ADAMTS9: variants seen among roughly 807,000 people sequenced by gnomAD.
The protein encoded by ADAMTS9 is ADAM metallopeptidase with thrombospondin type 1 motif 9.
Under a neutral mutation model 257.1 loss-of-function variants are expected in ADAMTS9, and 107 were observed. The ratio of observed to expected loss-of-function variants is 0.42; its 90% CI spans 0.36 to 0.49. The LOEUF is 0.49. ADAMTS9 is among the 20% of genes least tolerant of loss of function. The pLI is 0.03. For missense variants in ADAMTS9, 2,353 were observed against 2,469.1 expected (o/e 0.95, Z 1.00); for synonymous variants, 982 against 880.9 (o/e 1.11, Z -2.03).
chr3:64,578,768 G>A (rs1452656639), intron 28 of ADAMTS9, among the ~76,000 whole-genome samples: 4 of 152,116 alleles, frequency 2.6e-5, no homozygotes, highest in Admixed American at 2.6e-4. Context: ...CATAAAACGG[G>A]AGTCATTGTG....
At chr3:64,633,951 T>G (rs1445160583) in intron 12 of ADAMTS9, 72 bp from the exon 13 acceptor site, 1 of 1,356,848 alleles carries the variant, frequency 7.4e-7, no homozygotes, top group Non-Finnish European at 1.0e-6. Context: ...ACTCCTTCAT[T>G]CATGACTTCC....
intron 16 of ADAMTS9, among the ~76,000 whole-genome samples, chr3:64,627,879 C>A (rs1039951519): frequency 2.6e-5 from 4 of 152,094 alleles, no homozygotes; most frequent in Non-Finnish European, 5.9e-5. Flanking sequence ...GGACTCAACG[C>A]GAGACTCAGT....
In ADAMTS9 at chr3:64,522,165, C is replaced by A; in HGVS notation, c.*5+1G>T. 6.2e-7 allele frequency: 1 copy of A among 1,613,326 alleles called. No individual in the cohort carries two copies. Among genetic ancestry groups the A allele is most frequent in the Non-Finnish European group, 8.5e-7 (1 of 1,179,336 alleles). ...AGACAGACAGACATAGGACTACTTA[C>A]CTTAGCTATAAAACTCGCACCTCCA... On this transcript the variant is annotated splice_donor_variant, in intron 39 of 39. Coordinates refer to ENST00000498707, the MANE Select transcript of ADAMTS9 (RefSeq NM_182920.2). LOFTEE classifies it low-confidence loss of function (3UTR_SPLICE).
Position 64,519,313 on chromosome 3 carries a change from C to T in ADAMTS9, c.*6-2192G>A, listed in dbSNP as rs2082820913. On this transcript the variant is annotated intron_variant, in intron 39 of 39. Transcript: ENST00000498707. ...ACAGATCCCTGAATCCACCAGAGAC[C>T]TAATGAAGCAGGACCCCTAGAGATG... Among the ~76,000 whole-genome samples the T allele has an allele frequency of 2.0e-5, 3 of 152,218 alleles. No individual in the cohort carries two copies. In the South Asian group the frequency reaches 6.2e-4, roughly 32 times the overall value.
intron 30 of ADAMTS9, among the ~76,000 whole-genome samples, chr3:64,557,876 C>G (rs901879391): frequency 2.6e-5 from 4 of 152,088 alleles, no homozygotes. Flanking sequence ...TTTCTCTTGT[C>G]CAATTATTCT....
intron 3 of ADAMTS9, among the ~76,000 whole-genome samples, chr3:64,665,404 C>G (rs917952728): frequency 6.6e-6 from 1 of 152,170 alleles, no homozygotes; most frequent in Admixed American, 6.5e-5. Context: ...CTCCCACTTA[C>G]AATGTGGAGT....
chr3:64,606,261 T>G (rs1312180259), intron 23 of ADAMTS9, among the ~76,000 whole-genome samples: 2 of 152,228 alleles, frequency 1.3e-5, no homozygotes, highest in African/African-American at 4.8e-5. Context: ...CATTACTTTC[T>G]TAAGTCTAAC....
intron 26 of ADAMTS9, among the ~76,000 whole-genome samples, chr3:64,598,140 T>A (rs1379331140): frequency 1.3e-5 from 2 of 152,164 alleles, no homozygotes; most frequent in African/African-American, 4.8e-5. Context: ...TAAGTGTTTT[T>A]AAATCAGTAT....
chr3:64,526,405 G>T (rs566320322), intron 38 of ADAMTS9, among the ~76,000 whole-genome samples: 1 of 152,022 alleles, frequency 6.6e-6, no homozygotes, highest in Admixed American at 6.6e-5. Context: ...TTAAAAATTC[G>T]TAGGCATTTG....
chr3:64,534,349 A>G (rs986650890), intron 37 of ADAMTS9, among the ~76,000 whole-genome samples: 2 of 152,190 alleles, frequency 1.3e-5, no homozygotes, highest in African/African-American at 4.8e-5. Context: ...ACTAAAAGAA[A>G]TCAGCTATGG....
chr3:64,620,464 G>C (rs991873343), intron 19 of ADAMTS9, among the ~76,000 whole-genome samples: 1 of 150,254 alleles, frequency 6.7e-6, no homozygotes, highest in Admixed American at 6.6e-5. Flanking sequence ...GCATTTAACT[G>C]TCATGCAGAG....
chr3:64,544,321 G>A (rs146020015), intron 32 of ADAMTS9, among the ~76,000 whole-genome samples: 2,612 of 152,162 alleles, frequency 0.017, 67 homozygotes, highest in African/African-American at 0.059. Context: ...ATCCTAAGCC[G>A]AAAGAACAAA....
chr3:64,615,618 G>A (rs1392080053), intron 20 of ADAMTS9, 133 bp from the exon 21 acceptor site: 3 of 968,578 alleles, frequency 3.1e-6, no homozygotes, highest in African/African-American at 1.7e-5. Flanking sequence ...TATTTTGGTG[G>A]AGATCTTTTC....
chr3:64,664,946 T>C (rs1162726997), intron 3 of ADAMTS9, among the ~76,000 whole-genome samples: 1 of 152,192 alleles, frequency 6.6e-6, no homozygotes, highest in Admixed American at 6.5e-5. Flanking sequence ...TTCTTTTTCT[T>C]TGAGGGTTCC....
chr3:64,528,392 T>G (rs1026278625), intron 38 of ADAMTS9, among the ~76,000 whole-genome samples: 6 of 152,206 alleles, frequency 3.9e-5, no homozygotes, highest in African/African-American at 1.4e-4. Flanking sequence ...TGACATTTTC[T>G]TTCAGCCTTC....
chr3:64,659,121 T>C (rs1313229204), intron 3 of ADAMTS9, among the ~76,000 whole-genome samples: 1 of 152,200 alleles, frequency 6.6e-6, no homozygotes, highest in Non-Finnish European at 1.5e-5. Context: ...ACGCTCACTG[T>C]TATTTGCCAT....
intron 19 of ADAMTS9, among the ~76,000 whole-genome samples, chr3:64,618,843 T>A (rs930051394): frequency 6.6e-6 from 1 of 152,122 alleles, no homozygotes; most frequent in Non-Finnish European, 1.5e-5. Flanking sequence ...ACACAAAAAC[T>A]CATGGCTTCG....
chr3:64,667,641 G>A (rs7619937), intron 3 of ADAMTS9, among the ~76,000 whole-genome samples: 88,243 of 151,948 alleles, frequency 0.58, 25,847 homozygotes, highest in Non-Finnish European at 0.63. Flanking sequence ...AGAGCTGGGT[G>A]CACTACCCCC....
At chr3:64,641,410 G>T (rs1700636513) in intron 12 of ADAMTS9, among the ~76,000 whole-genome samples, 1 of 151,154 alleles carries the variant, frequency 6.6e-6, no homozygotes, top group Non-Finnish European at 1.5e-5. Context: ...ATGCTGGTGT[G>T]CTGCACCCAT....
Sources: gnomAD v4.1 joint callset for allele counts (sites outside exome capture counted in the v4.1 genomes callset) on GRCh38, gnomAD v4.1.1 for gene constraint, MANE v1.5 for transcripts, NCBI Gene and HGNC (gene_info 2026-07-23, HGNC 2026-07-21) for gene names.